Variants in TEAD1 observed in about 807,000 individuals in gnomAD.
TEAD1 encodes transcriptional enhancer factor TEF-1.
In TEAD1, 9 loss-of-function variants were observed where a neutral mutation model predicts 54.9. The ratio of observed to expected loss-of-function variants is 0.16; its 90% CI spans 0.10 to 0.29. TEAD1 has a LOEUF of 0.29. Ranked by LOEUF, TEAD1 falls within the 10% of genes least tolerant of loss-of-function variation. The pLI is 1.00. For missense variants in TEAD1, 387 were observed against 535.9 expected (o/e 0.72, Z 2.74); for synonymous variants, 200 against 187.8 (o/e 1.07, Z -0.53).
At chr11:12,933,869 T>C (rs148151759) in intron 12 of TEAD1, among the ~76,000 whole-genome samples, 6 of 152,258 alleles carry the variant, frequency 3.9e-5, no homozygotes, top group African/African-American at 1.4e-4. Context: ...TGGCGATCAT[T>C]AAAAAGTCAG....
chr11:12,869,121 T>G (rs1252087771), intron 5 of TEAD1, among the ~76,000 whole-genome samples: 1 of 152,170 alleles, frequency 6.6e-6, no homozygotes, highest in Non-Finnish European at 1.5e-5. Context: ...GGCCCTCGAT[T>G]ATCCCACTGA....
At chr11:12,883,239 C>T in intron 9 of TEAD1, 114 bp downstream of exon 9, 1 of 1,533,780 alleles carries the variant, frequency 6.5e-7, no homozygotes, top group Non-Finnish European at 9.0e-7. Flanking sequence ...GACAAATATC[C>T]TGTGTGAAAA....
chr11:12,796,703 G>T (rs139510044), intron 3 of TEAD1, among the ~76,000 whole-genome samples: 2,781 of 151,438 alleles, frequency 0.018, 91 homozygotes, highest in African/African-American at 0.065. Flanking sequence ...TGCAGCCTGG[G>T]CAACAGAGCT....
At chr11:12,702,722 G>A (rs1034015770) in intron 2 of TEAD1, among the ~76,000 whole-genome samples, 4 of 151,684 alleles carry the variant, frequency 2.6e-5, no homozygotes, top group Admixed American at 2.6e-4. Context: ...TCCTTCTCTC[G>A]CCCGGATTAC....
intron 2 of TEAD1, among the ~76,000 whole-genome samples, chr11:12,694,244 A>G (rs1476132947): frequency 6.6e-6 from 1 of 152,182 alleles, no homozygotes; most frequent in Non-Finnish European, 1.5e-5. Flanking sequence ...GTATAGTTGA[A>G]GTATCGACTC....
chr11:12,920,528 G>A (rs1025460017), intron 10 of TEAD1, among the ~76,000 whole-genome samples: 6 of 152,072 alleles, frequency 3.9e-5, no homozygotes, highest in Admixed American at 3.3e-4. Flanking sequence ...CTTAGAAATA[G>A]GGTCTTGCTA....
At chr11:12,936,431 T>C (rs1024033182) in intron 12 of TEAD1, among the ~76,000 whole-genome samples, 5 of 152,200 alleles carry the variant, frequency 3.3e-5, no homozygotes, top group Non-Finnish European at 5.9e-5. Context: ...CAGCAGATAC[T>C]TTTCTGGGTC....
At chr11:12,704,958 C>T (rs535719105) in intron 2 of TEAD1, among the ~76,000 whole-genome samples, 1 of 152,214 alleles carries the variant, frequency 6.6e-6, no homozygotes, top group Non-Finnish European at 1.5e-5. Context: ...GTATGCCCAA[C>T]TCTGTGCTTT....
intron 2 of TEAD1, among the ~76,000 whole-genome samples, chr11:12,700,796 T>C (rs1462791321): frequency 1.3e-5 from 2 of 152,234 alleles, no homozygotes; most frequent in Non-Finnish European, 2.9e-5. Flanking sequence ...TTGAGGCCTT[T>C]AATGCATCTG....
chr11:12,789,756 G>C (rs951418016), intron 3 of TEAD1, among the ~76,000 whole-genome samples: 3 of 152,258 alleles, frequency 2.0e-5, no homozygotes, highest in Admixed American at 6.5e-5. Flanking sequence ...CCCGAGCTCA[G>C]TTGGGTTGTA....
intron 2 of TEAD1, among the ~76,000 whole-genome samples, chr11:12,762,573 A>G (rs1945123149): frequency 6.6e-6 from 1 of 152,178 alleles, no homozygotes; most frequent in Non-Finnish European, 1.5e-5. Flanking sequence ...AGTTCTTTGA[A>G]TGATGGCTCA....
chr11:12,792,437 T>G (rs1945823878), intron 3 of TEAD1, among the ~76,000 whole-genome samples: 1 of 150,516 alleles, frequency 6.6e-6, no homozygotes, highest in African/African-American at 2.5e-5. Flanking sequence ...AAGTCTGAAA[T>G]CTTGTTGCTT....
At chr11:12,824,210 T>C (rs1256965638) in intron 3 of TEAD1, among the ~76,000 whole-genome samples, 1 of 152,228 alleles carries the variant, frequency 6.6e-6, no homozygotes, top group East Asian at 1.9e-4. Flanking sequence ...ATCAGGTTTA[T>C]TGCATAGTAT....
chr11:12,772,582 G>C (rs1323495128), intron 3 of TEAD1, among the ~76,000 whole-genome samples: 1 of 152,208 alleles, frequency 6.6e-6, no homozygotes, highest in Non-Finnish European at 1.5e-5. Flanking sequence ...CTACTCAGCA[G>C]TGAGTATTAG....
chr11:12,815,964 C>T (rs772811706), intron 3 of TEAD1, among the ~76,000 whole-genome samples: 5 of 152,228 alleles, frequency 3.3e-5, no homozygotes, highest in Non-Finnish European at 5.9e-5. Flanking sequence ...CATGTTACAG[C>T]ACTTCAGGTT....
intron 12 of TEAD1, 103 bp from the exon 13 acceptor site, chr11:12,937,006 G>A: frequency 1.3e-6 from 1 of 780,116 alleles, no homozygotes; most frequent in East Asian, 2.8e-5. Flanking sequence ...AATCTCTCTT[G>A]GACTTAAGAC....
At chr11:12,917,510 C>T (rs994682045) in intron 10 of TEAD1, among the ~76,000 whole-genome samples, 1 of 152,186 alleles carries the variant, frequency 6.6e-6, no homozygotes, top group Non-Finnish European at 1.5e-5. Flanking sequence ...ACAGTTAAGG[C>T]TGTCTGGCAA....
At chr11:12,714,727 T>C (rs925645431) in intron 2 of TEAD1, among the ~76,000 whole-genome samples, 7 of 152,134 alleles carry the variant, frequency 4.6e-5, no homozygotes, top group South Asian at 2.1e-4. Context: ...AGGTCCAAGA[T>C]CAAGATGCCA....
chr11:12,749,140 G>A (rs1046456176), intron 2 of TEAD1, among the ~76,000 whole-genome samples: 1 of 152,076 alleles, frequency 6.6e-6, no homozygotes, highest in Non-Finnish European at 1.5e-5. Flanking sequence ...GAGGATTTGC[G>A]CTGGTTTGTT....
Sources: allele counts gnomAD v4.1 joint callset (sites outside exome capture counted in the v4.1 genomes callset), GRCh38; gene constraint gnomAD v4.1.1; transcripts MANE v1.5; gene names NCBI Gene and HGNC (gene_info 2026-07-23, HGNC 2026-07-21).